Variants in HIF3A observed in about 807,000 individuals in gnomAD.
HIF3A encodes the protein hypoxia inducible factor 3 subunit alpha, also known as hypoxia-inducible factor 3-alpha.
A neutral mutation model predicts 67.2 loss-of-function variants in HIF3A; 41 were observed. The observed-to-expected ratio is 0.61, with a 90% CI of 0.48 to 0.79. The LOEUF (loss-of-function observed/expected upper bound fraction) is 0.79, where lower values mean the gene tolerates loss of function less well. Ranked by LOEUF, HIF3A falls within the 30% of genes least tolerant of loss-of-function variation. The pLI, the probability that HIF3A is intolerant of heterozygous loss-of-function variation, is 0.00. For synonymous variants in HIF3A, 356 were observed against 374.8 expected (o/e 0.95, Z 0.58); for missense variants, 855 against 898.0 (o/e 0.95, Z 0.61).
chr19:46,338,457 C>T (rs1971786069), intron 14 of HIF3A: 3 of 1,000,482 alleles, frequency 3.0e-6, no homozygotes, highest in Non-Finnish European at 2.6e-6. Context: ...CCTGCCTTGG[C>T]CTCCCAAAGT....
Position 46,305,255 on chromosome 19 carries a change from C to T in HIF3A, c.228C>T (p.Asn76=). The change falls in exon 3 of 15, where the codon AAC becomes AAT. Residue 76 remains asparagine, a synonymous_variant. Coordinates refer to ENST00000377670, the MANE Select transcript of HIF3A (RefSeq NM_152795.4). ...TGCCCCGGGCACCAGGGGAGTGGAA[C>T]CAGGTGGGAGCAGGGGGAGAACCAC... is the stretch of plus-strand genomic sequence containing the variant. ...MHRLCAAGEW[N]QVGAGGEPLD... 6.2e-7 allele frequency: 1 copy of T among 1,614,034 alleles called. No homozygotes were observed. The highest frequency in any genetic ancestry group is 8.5e-7 in the Non-Finnish European group (1 of 1,180,018).
intron 8 of HIF3A, among the ~76,000 whole-genome samples, chr19:46,319,791 G>A (rs575498431): frequency 3.3e-5 from 5 of 151,922 alleles, no homozygotes; most frequent in South Asian, 4.2e-4. Flanking sequence ...GTCTCCTCCC[G>A]CTTCTGTCTT....
Position 46,332,991 on chromosome 19 carries a change from A to G in HIF3A, c.1830+1718A>G, listed in dbSNP as rs562136974. ...GGTGAAACTCCCTCTCAGAAAAAAAAAAAAAACAACCTCTCTCTATATATA... is the reference window on the plus strand; with the variant it reads ...GGTGAAACTCCCTCTCAGAAAAAAAGAAAAAACAACCTCTCTCTATATATA... On this transcript the variant is annotated intron_variant, in intron 13 of 14. Transcript: ENST00000377670. 1.7e-3 allele frequency among the ~76,000 whole-genome samples: 265 copies of G among 151,820 alleles called. 1 individual carries two copies. Among genetic ancestry groups the G allele is most frequent in the African/African-American group, 5.7e-3 (236 of 41,410 alleles).
chr19:46,336,153 G>A (rs985803357), intron 14 of HIF3A, among the ~76,000 whole-genome samples: 1 of 126,164 alleles, frequency 7.9e-6, no homozygotes, highest in Non-Finnish European at 1.5e-5. Flanking sequence ...GAGTGCAGCC[G>A]TGCGATCTTG....
chr19:46,323,550 G>A (rs563283267), intron 10 of HIF3A, among the ~76,000 whole-genome samples: 11 of 152,128 alleles, frequency 7.2e-5, no homozygotes, highest in African/African-American at 2.7e-4. Context: ...AAAGACAACG[G>A]CCATGGGAGT....
chr19:46,303,964 C>T lies in HIF3A; in HGVS notation c.93C>T (p.Thr31=). The change falls in exon 2 of 15, where the codon ACC becomes ACT. Residue 31 remains threonine, a synonymous_variant. Transcript: ENST00000377670. ...DAARSRRSQE[T]EVLYQLAHTL... is the part of the protein sequence containing the mutation. ...CCCGCAGCCGGCGCAGCCAGGAGAC[C>T]GAGGTGCTGTACCAGCTGGCTCACA... is the stretch of plus-strand genomic sequence containing the variant. 1 of 1,605,084 alleles carries T rather than the reference C, an allele frequency of 6.2e-7. No homozygotes were observed. Among genetic ancestry groups the T allele is most frequent in the Non-Finnish European group, 8.5e-7 (1 of 1,176,434 alleles).
At position 46,298,656 on chromosome 19, in the gene HIF3A, C is replaced by T. The variant is rs2147097407; in HGVS notation, c.26+1554C>T. 7.4e-6 allele frequency: 4 copies of T among 539,958 alleles called. 1 individual carries two copies. In the South Asian group the frequency reaches 7.8e-5, roughly 11 times the overall value. The allele number at this position is 539,958 out of a possible 1,614,324, so 33.4% of individuals were successfully genotyped here. ...CCAGAGTGCCCAGTGAGGTAGTATTCCCGGAGAAGATAGGATTTTGGGGAC... is the reference window on the plus strand; with the variant it reads ...CCAGAGTGCCCAGTGAGGTAGTATTTCCGGAGAAGATAGGATTTTGGGGAC... On this transcript the variant is annotated intron_variant, in intron 1 of 14. Coordinates refer to ENST00000377670, the MANE Select transcript of HIF3A (RefSeq NM_152795.4).
At chr19:46,322,295 C>T (rs866053786) in intron 10 of HIF3A, among the ~76,000 whole-genome samples, 2 of 152,148 alleles carry the variant, frequency 1.3e-5, no homozygotes, top group Middle Eastern at 3.2e-3. Context: ...AAGCAGCGGA[C>T]ACCAGCTGGG....
At chr19:46,321,702 G>T in intron 9 of HIF3A, 74 bp from the exon 10 acceptor site, 2 of 1,309,538 alleles carry the variant, frequency 1.5e-6, no homozygotes, top group Non-Finnish European at 2.2e-6. Flanking sequence ...TGTTCCTGGG[G>T]TTGGTATGGA....
chr19:46,306,761 G>T (rs1025116987), intron 3 of HIF3A, among the ~76,000 whole-genome samples: 24 of 152,166 alleles, frequency 1.6e-4, no homozygotes, highest in Admixed American at 1.1e-3. Flanking sequence ...CCAGAGAGAT[G>T]AATGTCCCGA....
chr19:46,331,995 G>A (rs1192815427), intron 13 of HIF3A, among the ~76,000 whole-genome samples: 1 of 152,070 alleles, frequency 6.6e-6, no homozygotes, highest in East Asian at 1.9e-4. Flanking sequence ...AACAGGTCTT[G>A]GCCTTGGATT....
chr19:46,334,837 C>T, intron 13 of HIF3A, 68 bp from the exon 14 acceptor site: 2 of 1,334,424 alleles, frequency 1.5e-6, no homozygotes, highest in Admixed American at 1.8e-5. Context: ...ATTACAGTCA[C>T]CACTCCCGGC....
chr19:46,309,869 T>A (rs1464316660), intron 6 of HIF3A, among the ~76,000 whole-genome samples: 1 of 151,972 alleles, frequency 6.6e-6, no homozygotes. Context: ...GGAGAATTGC[T>A]TGAGACCAGG....
chr19:46,317,440 G>T (rs118073786), intron 8 of HIF3A, among the ~76,000 whole-genome samples: 1 of 152,116 alleles, frequency 6.6e-6, no homozygotes, highest in Non-Finnish European at 1.5e-5. Context: ...AGCCAAGGGC[G>T]TTGGTGTGGT....
intron 11 of HIF3A, among the ~76,000 whole-genome samples, chr19:46,326,225 G>A (rs145139640): frequency 2.0e-4 from 30 of 152,286 alleles, no homozygotes; most frequent in African/African-American, 5.8e-4. Context: ...TCCTCATCAC[G>A]TGAACCTCTA....
intron 8 of HIF3A, among the ~76,000 whole-genome samples, chr19:46,313,907 C>T (rs1217026307): frequency 6.6e-6 from 1 of 152,148 alleles, no homozygotes; most frequent in East Asian, 1.9e-4. Flanking sequence ...GGTGATCCAC[C>T]CCCCTCAGCC....
chr19:46,303,044 G>A (rs889666436), intron 1 of HIF3A, among the ~76,000 whole-genome samples: 20 of 152,140 alleles, frequency 1.3e-4, no homozygotes, highest in East Asian at 1.2e-3. Flanking sequence ...TTAAAGGCAG[G>A]CTTCCCTATT....
chr19:46,301,631 G>C (rs924514381), intron 1 of HIF3A, among the ~76,000 whole-genome samples: 1 of 152,094 alleles, frequency 6.6e-6, no homozygotes, highest in African/African-American at 2.4e-5. Context: ...TTCGAGAGCA[G>C]CCTGGCCAAC....
intron 6 of HIF3A, chr19:46,310,476 C>T (rs1969330794): frequency 2.4e-5 from 8 of 330,668 alleles, no homozygotes; most frequent in East Asian, 9.4e-5. Context: ...TTTTCTCTCC[C>T]CCTCTCTTCC....
Sources: gnomAD v4.1 joint callset for allele counts (sites outside exome capture counted in the v4.1 genomes callset) on GRCh38, gnomAD v4.1.1 for gene constraint, MANE v1.5 for transcripts, NCBI Gene and HGNC (gene_info 2026-07-23, HGNC 2026-07-21) for gene names.